Variants in CHRM3 observed in about 807,000 individuals in gnomAD.
CHRM3 encodes the protein muscarinic acetylcholine receptor M3.
Under a neutral mutation model 41.8 loss-of-function variants are expected in CHRM3, and 11 were observed. That is an observed-to-expected ratio of 0.26 (90% confidence interval 0.17 to 0.44). CHRM3 has a LOEUF of 0.44. Ranked by LOEUF, CHRM3 falls within the 20% of genes least tolerant of loss-of-function variation. The probability of loss-of-function intolerance (pLI) is 1.00; values close to 1 mark genes in which losing one functional copy is unlikely to be tolerated. For synonymous variants in CHRM3, 297 were observed against 301.4 expected (o/e 0.99, Z 0.15); for missense variants, 571 against 745.4 (o/e 0.77, Z 2.72).
chr1:239,554,809 A>G (rs1660206787), intron 3 of CHRM3, among the ~76,000 whole-genome samples: 1 of 148,486 alleles, frequency 6.7e-6, no homozygotes, highest in South Asian at 2.1e-4. Flanking sequence ...GGCTTACTGC[A>G]ACCTCCACCT....
intron 5 of CHRM3, among the ~76,000 whole-genome samples, chr1:239,763,250 A>G (rs1666942633): frequency 6.6e-6 from 1 of 152,232 alleles, no homozygotes. Context: ...TTCATAAATG[A>G]AAAACATGGC....
At chr1:239,711,211 G>A (rs1425802418) in intron 5 of CHRM3, among the ~76,000 whole-genome samples, 1 of 152,048 alleles carries the variant, frequency 6.6e-6, no homozygotes, top group Admixed American at 6.6e-5. Context: ...GGTCATGCAT[G>A]GATTGTGTCT....
Position 239,847,655 on chromosome 1 carries a change from A to G in CHRM3, c.-20+20277A>G, listed in dbSNP as rs549689754. Among the ~76,000 whole-genome samples the G allele has an allele frequency of 2.0e-5, 3 of 152,252 alleles. No homozygotes were observed. In the East Asian group the frequency reaches 5.8e-4, roughly 30 times the overall value. On this transcript the variant is annotated intron_variant, in intron 6 of 6. Coordinates refer to ENST00000676153, the MANE Select transcript of CHRM3 (RefSeq NM_001375978.1). ...GTGGGTGGGAGGATCACTTGATCCC[A>G]TGAGTTCCAGGCCAGCCTGGGCAAC...
intron 5 of CHRM3, among the ~76,000 whole-genome samples, chr1:239,738,411 C>T (rs918524490): frequency 6.6e-5 from 10 of 152,080 alleles, no homozygotes; most frequent in Admixed American, 3.9e-4. Flanking sequence ...GCTTAACAGT[C>T]GGGTCATCAG....
intron 4 of CHRM3, among the ~76,000 whole-genome samples, chr1:239,675,676 G>A (rs1049345113): frequency 6.6e-5 from 10 of 152,160 alleles, no homozygotes; most frequent in Non-Finnish European, 7.3e-5. Flanking sequence ...CAGAAAGCCT[G>A]TAACAAGCAT....
intron 3 of CHRM3, among the ~76,000 whole-genome samples, chr1:239,563,403 A>G (rs900651345): frequency 1.3e-5 from 2 of 152,214 alleles, no homozygotes; most frequent in African/African-American, 4.8e-5. Context: ...GAATGTCCCT[A>G]AAATGACCAA....
chr1:239,847,152 A>G (rs935693909), intron 6 of CHRM3, among the ~76,000 whole-genome samples: 3 of 152,192 alleles, frequency 2.0e-5, no homozygotes, highest in Admixed American at 6.5e-5. Context: ...AAATAAGACG[A>G]AAGTGAGGGT....
chr1:239,828,134 G>C (rs1019332605), intron 6 of CHRM3, among the ~76,000 whole-genome samples: 3 of 151,894 alleles, frequency 2.0e-5, no homozygotes, highest in African/African-American at 7.3e-5. Context: ...AGAAATACAC[G>C]CACACAAATA....
At chr1:239,392,725 C>T (rs951534057) in intron 1 of CHRM3, among the ~76,000 whole-genome samples, 2 of 152,150 alleles carry the variant, frequency 1.3e-5, no homozygotes, top group African/African-American at 4.8e-5. Context: ...GTAGCTATGG[C>T]TATAGACATA....
intron 3 of CHRM3, among the ~76,000 whole-genome samples, chr1:239,548,583 G>C (rs777758015): frequency 1.3e-5 from 2 of 152,184 alleles, no homozygotes; most frequent in African/African-American, 2.4e-5. Context: ...CCCCTGATGA[G>C]GACAGTAGTG....
At chr1:239,652,914 A>C (rs1201599378) in intron 4 of CHRM3, among the ~76,000 whole-genome samples, 1 of 152,236 alleles carries the variant, frequency 6.6e-6, no homozygotes, top group Non-Finnish European at 1.5e-5. Flanking sequence ...TCTCACAAGT[A>C]GAATCATCTC....
intron 3 of CHRM3, among the ~76,000 whole-genome samples, chr1:239,558,159 T>A (rs1660541245): frequency 6.6e-6 from 1 of 152,210 alleles, no homozygotes; most frequent in Non-Finnish European, 1.5e-5. Context: ...GTTTCTTGAC[T>A]TTTTAATAAT....
chr1:239,443,252 TTG>T (rs1419995979), intron 1 of CHRM3, among the ~76,000 whole-genome samples: 1 of 152,182 alleles, frequency 6.6e-6, no homozygotes, highest in Non-Finnish European at 1.5e-5. Context: ...TTATGGGCAG[TTG>T]TGTGTTTGAG....
chr1:239,593,656 G>C (rs922348042), intron 3 of CHRM3, among the ~76,000 whole-genome samples: 1 of 152,070 alleles, frequency 6.6e-6, no homozygotes. Flanking sequence ...AGGATACAGT[G>C]TCAGGCTCTA....
At chr1:239,905,768 T>C (rs190240208) in intron 6 of CHRM3, among the ~76,000 whole-genome samples, 1 of 152,258 alleles carries the variant, frequency 6.6e-6, no homozygotes, top group Admixed American at 6.5e-5. Flanking sequence ...ACAGTAAATG[T>C]CCAATAAATA....
At chr1:239,544,128 CT>C (rs1199184463) in intron 2 of CHRM3, among the ~76,000 whole-genome samples, 2 of 152,178 alleles carry the variant, frequency 1.3e-5, no homozygotes, top group Admixed American at 1.3e-4. Context: ...TGCTGTGATG[CT>C]GCTTTTTCTG....
chr1:239,645,380 C>G (rs1671657972), intron 4 of CHRM3, among the ~76,000 whole-genome samples: 1 of 152,168 alleles, frequency 6.6e-6, no homozygotes, highest in African/African-American at 2.4e-5. Flanking sequence ...CAATAGTCCT[C>G]TAGTGATATT....
At chr1:239,455,336 C>A (rs1188159887) in intron 1 of CHRM3, among the ~76,000 whole-genome samples, 2 of 152,158 alleles carry the variant, frequency 1.3e-5, no homozygotes, top group East Asian at 3.9e-4. Flanking sequence ...CAGACCTGAG[C>A]CACAGTGCCC....
intron 5 of CHRM3, among the ~76,000 whole-genome samples, chr1:239,690,182 A>G (rs1415531810): frequency 6.6e-6 from 1 of 152,134 alleles, no homozygotes; most frequent in Admixed American, 6.5e-5. Flanking sequence ...CCAACTTTGT[A>G]TGAGAGCAAG....
Sources: gnomAD v4.1 joint callset for allele counts (sites outside exome capture counted in the v4.1 genomes callset) on GRCh38, gnomAD v4.1.1 for gene constraint, MANE v1.5 for transcripts, NCBI Gene and HGNC (gene_info 2026-07-23, HGNC 2026-07-21) for gene names.